The following CRADD variants were observed in gnomAD, a reference collection of about 807,000 sequenced individuals.
The protein encoded by CRADD is CARD and death domain containing adaptor protein, also known as death domain-containing protein CRADD.
CRADD carries 9 observed loss-of-function variants against 15.5 expected under a neutral mutation model. The ratio of observed to expected loss-of-function variants is 0.58; its 90% CI spans 0.35 to 1.01. CRADD has a LOEUF of 1.01. CRADD is among the 50% of genes least tolerant of loss of function. CRADD has a pLI of 0.02. For synonymous variants in CRADD, 118 were observed against 107.6 expected, an observed-to-expected ratio of 1.10 and a Z score of -0.60; for missense variants, 227 against 250.3, an observed-to-expected ratio of 0.91 and a Z score of 0.63.
chr12:93,684,125 A>G (rs971179891), intron 2 of CRADD, among the ~76,000 whole-genome samples: 1 of 152,158 alleles, frequency 6.6e-6, no homozygotes, highest in African/African-American at 2.4e-5. Context: ...TATAAAGACA[A>G]ATGGAGGATC....
At chr12:93,766,461 C>T (rs1020256792) in intron 2 of CRADD, among the ~76,000 whole-genome samples, 1 of 152,196 alleles carries the variant, frequency 6.6e-6, no homozygotes, top group Non-Finnish European at 1.5e-5. Flanking sequence ...CCAATTGTCA[C>T]CTGTCACAGT....
chr12:93,720,885 T>C (rs1956248709), intron 2 of CRADD, among the ~76,000 whole-genome samples: 1 of 152,238 alleles, frequency 6.6e-6, no homozygotes, highest in Non-Finnish European at 1.5e-5. Context: ...TTTCAATTAG[T>C]GTGTTTAGAC....
At chr12:93,764,007 G>A (rs905491281) in intron 2 of CRADD, among the ~76,000 whole-genome samples, 3 of 152,128 alleles carry the variant, frequency 2.0e-5, no homozygotes, top group Non-Finnish European at 4.4e-5. Flanking sequence ...ACTGGTTCAG[G>A]GAATTTTATT....
intron 2 of CRADD, among the ~76,000 whole-genome samples, chr12:93,806,678 A>G (rs1031080684): frequency 1.3e-5 from 2 of 152,106 alleles, no homozygotes; most frequent in African/African-American, 2.4e-5. Flanking sequence ...TGACATCTAA[A>G]TATTTCCATC....
chr12:93,879,663 G>C (rs1479806126), intron 2 of CRADD, among the ~76,000 whole-genome samples: 1 of 152,168 alleles, frequency 6.6e-6, no homozygotes, highest in East Asian at 1.9e-4. Flanking sequence ...ACCTGTCCCA[G>C]GTTGTGTCTT....
intron 2 of CRADD, among the ~76,000 whole-genome samples, chr12:93,703,906 T>C (rs779718262): frequency 3.9e-5 from 6 of 152,122 alleles, no homozygotes; most frequent in Non-Finnish European, 7.4e-5. Context: ...TGTGAAATTT[T>C]ATTACCTTTG....
At chr12:93,739,022 G>C (rs760774763) in intron 2 of CRADD, among the ~76,000 whole-genome samples, 8 of 152,130 alleles carry the variant, frequency 5.3e-5, no homozygotes, top group Non-Finnish European at 1.0e-4. Flanking sequence ...GGGAGTTTGG[G>C]AATAGAGAGT....
chr12:93,697,947 A>G (rs1342634328), intron 2 of CRADD, among the ~76,000 whole-genome samples: 1 of 152,188 alleles, frequency 6.6e-6, no homozygotes, highest in African/African-American at 2.4e-5. Context: ...AAACTTTGCT[A>G]GGGCTAGGTG....
At chr12:93,812,394 A>G (rs1439444062) in intron 2 of CRADD, among the ~76,000 whole-genome samples, 1 of 152,128 alleles carries the variant, frequency 6.6e-6, no homozygotes, top group Non-Finnish European at 1.5e-5. Context: ...GCATAAATAA[A>G]TAGTGGACTT....
chr12:93,682,644 T>G (rs1955340694), intron 2 of CRADD, among the ~76,000 whole-genome samples: 2 of 152,306 alleles, frequency 1.3e-5, no homozygotes, highest in African/African-American at 4.8e-5. Context: ...GGTTAGTTGC[T>G]TTTTACTTAT....
intron 2 of CRADD, among the ~76,000 whole-genome samples, chr12:93,748,467 C>G (rs1010978020): frequency 2.6e-5 from 4 of 152,140 alleles, no homozygotes; most frequent in Admixed American, 2.6e-4. Context: ...ACCACCACAC[C>G]AGGCTAATTT....
intron 2 of CRADD, among the ~76,000 whole-genome samples, chr12:93,841,181 C>T (rs545728451): frequency 5.3e-5 from 8 of 152,220 alleles, no homozygotes; most frequent in African/African-American, 1.9e-4. Context: ...AGGATACATT[C>T]TACTTGTTCA....
At chr12:93,798,399 C>T (rs987646442) in intron 2 of CRADD, among the ~76,000 whole-genome samples, 4 of 152,076 alleles carry the variant, frequency 2.6e-5, no homozygotes, top group African/African-American at 9.7e-5. Flanking sequence ...CTGATTGAGT[C>T]ATAATTGCAC....
At chr12:93,718,984 TC>T (rs1304925267) in intron 2 of CRADD, among the ~76,000 whole-genome samples, 3 of 152,166 alleles carry the variant, frequency 2.0e-5, no homozygotes, top group Non-Finnish European at 4.4e-5. Context: ...GGTCTTGAAC[TC>T]CTAGGCTCTA....
intron 2 of CRADD, among the ~76,000 whole-genome samples, chr12:93,870,748 G>T (rs528781606): frequency 6.6e-6 from 1 of 152,308 alleles, no homozygotes; most frequent in South Asian, 2.1e-4. Flanking sequence ...ATGTCACCCC[G>T]GGAAAAGCAG....
At chr12:93,757,951 G>A (rs975510280) in intron 2 of CRADD, among the ~76,000 whole-genome samples, 2 of 152,216 alleles carry the variant, frequency 1.3e-5, no homozygotes, top group African/African-American at 2.4e-5. Flanking sequence ...CAGTGGTGCA[G>A]ATAGAAAAGG....
chr12:93,730,703 T>C (rs954718710), intron 2 of CRADD, among the ~76,000 whole-genome samples: 3 of 151,852 alleles, frequency 2.0e-5, no homozygotes, highest in South Asian at 4.1e-4. Context: ...TATTTAAACA[T>C]TGACCTTCAT....
chr12:93,700,088 C>T (rs1048112977), intron 2 of CRADD, among the ~76,000 whole-genome samples: 4 of 152,128 alleles, frequency 2.6e-5, no homozygotes, highest in Admixed American at 6.5e-5. Flanking sequence ...ATGGAGGAGA[C>T]GCCAAGTACT....
At chr12:93,861,453 A>T (rs1350647784) in intron 2 of CRADD, among the ~76,000 whole-genome samples, 1 of 152,232 alleles carries the variant, frequency 6.6e-6, no homozygotes, top group Admixed American at 6.5e-5. Flanking sequence ...GCAGCCAGGA[A>T]GCTCCAGCTA....
Sources: allele counts gnomAD v4.1 joint callset (sites outside exome capture counted in the v4.1 genomes callset), GRCh38; gene constraint gnomAD v4.1.1; transcripts MANE v1.5; gene names NCBI Gene and HGNC (gene_info 2026-07-23, HGNC 2026-07-21).